The following GRM8 variants were observed in gnomAD, a reference collection of about 807,000 sequenced individuals.
GRM8 encodes the protein glutamate metabotropic receptor 8, also known as metabotropic glutamate receptor 8.
In GRM8, 47 loss-of-function variants were observed where a neutral mutation model predicts 87.2. The observed-to-expected ratio is 0.54, with a 90% CI of 0.43 to 0.69. GRM8 has a LOEUF of 0.69. Among genes scored for constraint, GRM8 ranks in the 30% least tolerant of loss-of-function variants. The probability of loss-of-function intolerance (pLI) is 0.00; values close to 1 mark genes in which losing one functional copy is unlikely to be tolerated. For synonymous variants in GRM8, 396 were observed against 404.5 expected, an observed-to-expected ratio of 0.98 and a Z score of 0.25; for missense variants, 1,019 against 1,139.2, an observed-to-expected ratio of 0.89 and a Z score of 1.52.
At chr7:126,898,571 T>G (rs1586370537) in intron 6 of GRM8, among the ~76,000 whole-genome samples, 1 of 152,160 alleles carries the variant, frequency 6.6e-6, no homozygotes. Flanking sequence ...GCACTAGAAA[T>G]AGTTCTAATT....
At chr7:127,105,762 T>G (rs1825746727) in intron 3 of GRM8, among the ~76,000 whole-genome samples, 1 of 152,230 alleles carries the variant, frequency 6.6e-6, no homozygotes, top group Non-Finnish European at 1.5e-5. Flanking sequence ...GATATGTTGT[T>G]GACAAATCAG....
chr7:126,446,783 T>C (rs928767659), intron 9 of GRM8, among the ~76,000 whole-genome samples: 1 of 151,922 alleles, frequency 6.6e-6, no homozygotes, highest in Non-Finnish European at 1.5e-5. Context: ...TAAGTATACA[T>C]AGTGAAAATA....
chr7:126,798,434 G>A (rs1822235475), intron 6 of GRM8, among the ~76,000 whole-genome samples: 1 of 152,080 alleles, frequency 6.6e-6, no homozygotes, highest in Non-Finnish European at 1.5e-5. Context: ...ACATGGCCAT[G>A]GCCACCTCAT....
At chr7:127,230,003 T>A (rs1347096944) in intron 2 of GRM8, 2 of 152,014 alleles carry the variant, frequency 1.3e-5, no homozygotes, top group Non-Finnish European at 2.9e-5. Flanking sequence ...ATGTGGCAAA[T>A]GAAAAATAAA....
At chr7:126,528,424 G>T (rs1814253527) in intron 9 of GRM8, among the ~76,000 whole-genome samples, 3 of 152,104 alleles carry the variant, frequency 2.0e-5, no homozygotes, top group Admixed American at 2.0e-4. Flanking sequence ...GTGCTGAAGA[G>T]AAAATGGTGA....
At chr7:126,774,845 A>G (rs184098517) in intron 6 of GRM8, among the ~76,000 whole-genome samples, 1 of 152,280 alleles carries the variant, frequency 6.6e-6, no homozygotes, top group East Asian at 1.9e-4. Flanking sequence ...ATTGCTTTCT[A>G]AGAATTTCCC....
intron 8 of GRM8, among the ~76,000 whole-genome samples, chr7:126,547,984 C>T (rs935549029): frequency 4.0e-5 from 6 of 151,418 alleles, no homozygotes; most frequent in South Asian, 2.1e-4. Context: ...ATAGGAGATA[C>T]GCCACAAAAA....
intron 2 of GRM8, among the ~76,000 whole-genome samples, chr7:127,119,179 G>A (rs1299791674): frequency 6.6e-6 from 1 of 152,074 alleles, no homozygotes; most frequent in Non-Finnish European, 1.5e-5. Context: ...ACAGGCGATG[G>A]GGAGCAGAGG....
intron 7 of GRM8, among the ~76,000 whole-genome samples, chr7:126,719,840 T>G (rs1812173212): frequency 7.1e-6 from 1 of 140,426 alleles, no homozygotes; most frequent in African/African-American, 2.7e-5. Flanking sequence ...TAAAAGATAG[T>G]CTTTAGTCTT....
At chr7:127,021,136 A>C (rs1372131193) in intron 3 of GRM8, among the ~76,000 whole-genome samples, 1 of 152,050 alleles carries the variant, frequency 6.6e-6, no homozygotes, top group East Asian at 1.9e-4. Flanking sequence ...CAAGTATTGC[A>C]AATACAGCAA....
chr7:126,483,137 A>C (rs1457639038), intron 9 of GRM8, among the ~76,000 whole-genome samples: 5 of 148,106 alleles, frequency 3.4e-5, no homozygotes, highest in Non-Finnish European at 6.0e-5. Context: ...AATATATATA[A>C]TTATAAAATA....
intron 3 of GRM8, among the ~76,000 whole-genome samples, chr7:126,965,363 C>T (rs1260039863): frequency 6.6e-6 from 1 of 152,032 alleles, no homozygotes; most frequent in Non-Finnish European, 1.5e-5. Flanking sequence ...TAGACACTAT[C>T]AATTAATTGG....
chr7:126,440,726 G>A (rs6977068), intron 10 of GRM8, among the ~76,000 whole-genome samples: 31,891 of 151,900 alleles, frequency 0.21, 3,627 homozygotes, highest in African/African-American at 0.29. Context: ...TGGGTGTGTC[G>A]TAGGCTATAC....
intron 9 of GRM8, among the ~76,000 whole-genome samples, chr7:126,498,775 A>G (rs1809174086): frequency 6.6e-6 from 1 of 151,950 alleles, no homozygotes; most frequent in African/African-American, 2.4e-5. Flanking sequence ...GCTCTAATGG[A>G]CATAATGTAG....
At chr7:126,995,045 G>A (rs952757561) in intron 3 of GRM8, among the ~76,000 whole-genome samples, 1 of 152,214 alleles carries the variant, frequency 6.6e-6, no homozygotes, top group Non-Finnish European at 1.5e-5. Context: ...GTTCAGCACA[G>A]CAAGAAAGAC....
chr7:127,017,444 A>T (rs1436654382), intron 3 of GRM8, among the ~76,000 whole-genome samples: 1 of 152,094 alleles, frequency 6.6e-6, no homozygotes, highest in Non-Finnish European at 1.5e-5. Context: ...TGGCAATAAG[A>T]ATACAGAACA....
intron 6 of GRM8, among the ~76,000 whole-genome samples, chr7:126,823,423 G>A (rs1051334178): frequency 1.3e-5 from 2 of 152,188 alleles, no homozygotes; most frequent in African/African-American, 4.8e-5. Flanking sequence ...GTGAGGCAGA[G>A]TATTAGTTGT....
intron 3 of GRM8, among the ~76,000 whole-genome samples, chr7:127,068,283 T>C (rs1368957565): frequency 6.6e-6 from 1 of 152,152 alleles, no homozygotes; most frequent in African/African-American, 2.4e-5. Context: ...ATTTATTAAC[T>C]CCCTCATCAA....
At chr7:126,763,627 A>G (rs1472790700) in intron 7 of GRM8, among the ~76,000 whole-genome samples, 3 of 151,652 alleles carry the variant, frequency 2.0e-5, no homozygotes, top group Non-Finnish European at 4.4e-5. Flanking sequence ...TCACATGTCT[A>G]TTCTGGTATT....
Sources: allele counts gnomAD v4.1 joint callset (sites outside exome capture counted in the v4.1 genomes callset), GRCh38; gene constraint gnomAD v4.1.1; transcripts MANE v1.5; gene names NCBI Gene and HGNC (gene_info 2026-07-23, HGNC 2026-07-21).